Variants in LRRC37A2 observed in about 807,000 individuals in gnomAD.
LRRC37A2 encodes leucine-rich repeat-containing protein 37A2.
A neutral mutation model predicts 68.8 loss-of-function variants in LRRC37A2; 9 were observed. That is an observed-to-expected ratio of 0.13 (90% CI 0.08 to 0.23). The LOEUF is 0.23. LRRC37A2 is among the 10% of genes least tolerant of loss of function. The pLI is 1.00. For synonymous variants in LRRC37A2, 63 were observed against 367.6 expected (o/e 0.17, Z 9.48); for missense variants, 168 against 950.4 (o/e 0.18, Z 10.82).
the LRRC37A2 span, among the ~76,000 whole-genome samples, chr17:46,502,576 A>G: frequency 1.3e-5 from 2 of 151,244 alleles, no homozygotes; most frequent in Non-Finnish European, 2.9e-5. Context: ...TGCTGGGATT[A>G]CAGGCATGAG....
the LRRC37A2 span, among the ~76,000 whole-genome samples, chr17:46,828,892 G>GCA: frequency 7.1e-6 from 1 of 141,682 alleles, no homozygotes; most frequent in Admixed American, 7.0e-5. Context: ...AGCCCAAGAG[G>GCA]CAGAGGTTGC....
the LRRC37A2 span, among the ~76,000 whole-genome samples, chr17:46,990,626 G>A: frequency 1.3e-5 from 2 of 151,966 alleles, no homozygotes; most frequent in Admixed American, 6.6e-5. Flanking sequence ...TTAGAAACAC[G>A]TTTATTTCTC....
the LRRC37A2 span, among the ~76,000 whole-genome samples, chr17:46,858,209 C>T: frequency 4.8e-3 from 738 of 152,314 alleles, 4 homozygotes; most frequent in African/African-American, 0.017. Context: ...GGATTACAGG[C>T]GTGAGCCACT....
At chr17:46,956,699 G>A in the LRRC37A2 span, among the ~76,000 whole-genome samples, 2 of 152,290 alleles carry the variant, frequency 1.3e-5, no homozygotes, top group South Asian at 4.1e-4. Context: ...CGCTGAGGGG[G>A]CGGCCATGTG....
the LRRC37A2 span, chr17:46,938,516 A>C: frequency 6.2e-7 from 1 of 1,604,376 alleles, no homozygotes; most frequent in Non-Finnish European, 8.5e-7. Flanking sequence ...TCTGTTGGCA[A>C]AGCTCCATCT....
the LRRC37A2 span, chr17:46,711,073 G>T: frequency 6.3e-7 from 1 of 1,581,128 alleles, no homozygotes; most frequent in Non-Finnish European, 8.6e-7. Context: ...TGGTGCAGCA[G>T]ACTAAGAACA....
the LRRC37A2 span, among the ~76,000 whole-genome samples, chr17:46,803,841 C>G: frequency 6.6e-6 from 1 of 152,220 alleles, no homozygotes; most frequent in Admixed American, 6.5e-5. Context: ...AGCAGGCTCA[C>G]GGCTGTCTGG....
the LRRC37A2 span, chr17:46,876,628 C>T: frequency 1.9e-6 from 3 of 1,610,362 alleles, no homozygotes; most frequent in East Asian, 6.7e-5. Context: ...GCCTGGTGGC[C>T]TTCTCCTGCC....
the LRRC37A2 span, among the ~76,000 whole-genome samples, chr17:46,733,092 G>A: frequency 1.3e-5 from 2 of 152,236 alleles, no homozygotes; most frequent in African/African-American, 2.4e-5. Context: ...CGGCTTAGCA[G>A]TGAGAGGCTT....
the LRRC37A2 span, among the ~76,000 whole-genome samples, chr17:46,920,892 G>C: frequency 7.8e-3 from 1,189 of 152,262 alleles, 18 homozygotes; most frequent in African/African-American, 0.028. Flanking sequence ...GGAGAAATCA[G>C]AAGAGAGGGA....
At chr17:46,843,450 C>G in the LRRC37A2 span, among the ~76,000 whole-genome samples, 2 of 152,204 alleles carry the variant, frequency 1.3e-5, no homozygotes, top group Non-Finnish European at 2.9e-5. Flanking sequence ...AAAAAAATCA[C>G]TCTGCAAAAT....
chr17:46,928,530 G>C, the LRRC37A2 span, among the ~76,000 whole-genome samples: 1 of 152,274 alleles, frequency 6.6e-6, no homozygotes, highest in East Asian at 1.9e-4. Flanking sequence ...CCATTAGGAA[G>C]GGGGTCTTAA....
the LRRC37A2 span, among the ~76,000 whole-genome samples, chr17:46,612,405 T>C: frequency 1.1e-4 from 1 of 8,788 alleles, no homozygotes; most frequent in Non-Finnish European, 1.9e-4. Flanking sequence ...TGAAAACATA[T>C]GTTCATACAT....
chr17:46,953,030 T>G, the LRRC37A2 span, among the ~76,000 whole-genome samples: 1 of 151,846 alleles, frequency 6.6e-6, no homozygotes, highest in African/African-American at 2.4e-5. Flanking sequence ...TTAAATTTTA[T>G]TATTATTTTT....
At chr17:46,800,235 C>T in the LRRC37A2 span, among the ~76,000 whole-genome samples, 1 of 152,110 alleles carries the variant, frequency 6.6e-6, no homozygotes, top group Non-Finnish European at 1.5e-5. Flanking sequence ...CTTAGCCTCC[C>T]GAGTAGCTGG....
chr17:46,440,207 C>G, the LRRC37A2 span, among the ~76,000 whole-genome samples: 4 of 35,020 alleles, frequency 1.1e-4, no homozygotes, highest in Non-Finnish European at 2.4e-4. Flanking sequence ...CCTGAAAGCA[C>G]TTGGCTTAGC....
At chr17:46,821,709 G>T in the LRRC37A2 span, among the ~76,000 whole-genome samples, 2 of 152,330 alleles carry the variant, frequency 1.3e-5, no homozygotes, top group African/African-American at 4.8e-5. Flanking sequence ...TTTTTGTTGT[G>T]TGTGTGAATG....
chr17:46,853,248 C>T, the LRRC37A2 span, among the ~76,000 whole-genome samples: 4 of 151,640 alleles, frequency 2.6e-5, no homozygotes, highest in Non-Finnish European at 5.9e-5. Flanking sequence ...CTCTCAGTCT[C>T]TCAATCTGTA....
At chr17:46,818,423 C>T in the LRRC37A2 span, 1 of 1,282,312 alleles carries the variant, frequency 7.8e-7, no homozygotes, top group East Asian at 2.5e-5. Flanking sequence ...GAGAGGAGCC[C>T]CAGCCCTGCA....
Sources: allele counts gnomAD v4.1 joint callset (sites outside exome capture counted in the v4.1 genomes callset), GRCh38; gene constraint gnomAD v4.1.1; transcripts MANE v1.5; gene names NCBI Gene and HGNC (gene_info 2026-07-23, HGNC 2026-07-21).